The following CHORDC1 variants were observed in gnomAD, a reference collection of about 807,000 sequenced individuals.
CHORDC1 encodes cysteine and histidine-rich domain-containing protein 1.
A neutral mutation model predicts 48.3 loss-of-function variants in CHORDC1; 25 were observed. The observed-to-expected ratio is 0.52, with a 90% CI of 0.38 to 0.72. CHORDC1 has a LOEUF of 0.72. CHORDC1 is among the 30% of genes least tolerant of loss of function. The pLI is 0.00. For missense variants in CHORDC1, 317 were observed against 388.7 expected (o/e 0.82, Z 1.55); for synonymous variants, 128 against 126.4 (o/e 1.01, Z -0.09).
At chr11:90,205,045 T>G (rs908485148) in intron 8 of CHORDC1, among the ~76,000 whole-genome samples, 4 of 151,200 alleles carry the variant, frequency 2.6e-5, no homozygotes, top group African/African-American at 9.7e-5. Flanking sequence ...CTAGATGGAG[T>G]GTTTGTGCAT....
At chr11:90,208,769 G>C (rs1857775623) in intron 6 of CHORDC1, 1 of 152,120 alleles carries the variant, frequency 6.6e-6, no homozygotes. Context: ...AAAATCCCTT[G>C]AGCTACAAAT....
intron 1 of CHORDC1, among the ~76,000 whole-genome samples, chr11:90,219,489 C>A (rs776134912): frequency 6.6e-6 from 1 of 152,216 alleles, no homozygotes; most frequent in African/African-American, 2.4e-5. Flanking sequence ...ATGCTCGTGA[C>A]GGCTTTGATG....
At chr11:90,221,803 G>T (rs1378866579) in intron 1 of CHORDC1, among the ~76,000 whole-genome samples, 1 of 152,032 alleles carries the variant, frequency 6.6e-6, no homozygotes, top group Non-Finnish European at 1.5e-5. Context: ...TTTAAATAAC[G>T]CTATCAATTT....
At chr11:90,222,376 G>A (rs1858193351) in intron 1 of CHORDC1, among the ~76,000 whole-genome samples, 2 of 152,226 alleles carry the variant, frequency 1.3e-5, no homozygotes, top group African/African-American at 4.8e-5. Flanking sequence ...ACTTGTAAGA[G>A]GTTTGTAACA....
chr11:90,202,623 G>C, intron 10 of CHORDC1, 72 bp from the exon 11 acceptor site: 1 of 1,525,554 alleles, frequency 6.6e-7, no homozygotes, highest in Non-Finnish European at 8.9e-7. Flanking sequence ...CATCAGACTT[G>C]CTTATGCCAA....
intron 3 of CHORDC1, among the ~76,000 whole-genome samples, chr11:90,214,585 C>T (rs1857962654): frequency 6.6e-6 from 1 of 152,010 alleles, no homozygotes; most frequent in Non-Finnish European, 1.5e-5. Context: ...TTTAAACCTC[C>T]ATCTCCTCAT....
chr11:90,210,896 T>C lies in CHORDC1; in HGVS notation c.434-302A>G, dbSNP rs560186203. ...TGGTACCAGGTATAAAGTCAGAGAATAGTGAATATATTTTGTATAATGTAC... is the reference window on the plus strand; with the variant it reads ...TGGTACCAGGTATAAAGTCAGAGAACAGTGAATATATTTTGTATAATGTAC... On this transcript the variant is annotated intron_variant, in intron 5 of 10. Coordinates refer to ENST00000320585, the MANE Select transcript of CHORDC1 (RefSeq NM_012124.3). The C allele has an allele frequency of 9.2e-4, 308 of 336,412 alleles. 2 individuals carry two copies. Among genetic ancestry groups the C allele is most frequent in the African/African-American group, 5.9e-3 (276 of 46,696 alleles). 20.8% of individuals were successfully genotyped at this position (336,412 alleles called of 1,614,324 possible).
At chr11:90,213,739 G>C (rs771233864) in intron 4 of CHORDC1, 11 of 450,838 alleles carry the variant, frequency 2.4e-5, no homozygotes, top group Admixed American at 3.9e-5. Flanking sequence ...TGCACTCTAA[G>C]GCACAAGAAA....
rs1857540380 is a variant in CHORDC1 at position 90,201,399 on chromosome 11, T to A, written c.*1006A>T. The A allele has an allele frequency of 6.6e-6, 1 of 151,846 alleles. No individual in the cohort carries two copies. The highest frequency in any genetic ancestry group is 2.4e-5 in the African/African-American group (1 of 41,394). 9.4% of individuals were successfully genotyped at this position (151,846 alleles called of 1,614,324 possible). ...ATAAAGTACAATATATAGTCAACAT[T>A]GTATCACTAGAATTGTGAAGCTCTT... On this transcript the variant is annotated 3_prime_UTR_variant, in exon 11 of 11. Coordinates refer to ENST00000320585, the MANE Select transcript of CHORDC1 (RefSeq NM_012124.3).
At chr11:90,208,973 A>G (rs1470496867) in intron 6 of CHORDC1, 2 of 152,166 alleles carry the variant, frequency 1.3e-5, no homozygotes, top group Non-Finnish European at 2.9e-5. Flanking sequence ...TTGTACCATT[A>G]CATAATTTTC....
Position 90,220,346 on chromosome 11 carries a change from T to C in CHORDC1, c.65-2162A>G, listed in dbSNP as rs1344674070. On this transcript the variant is annotated intron_variant, in intron 1 of 10. Transcript: ENST00000320585. ...GTATCTTCCTGATACAGTAAGTAAA[T>C]CCGTGGGATCAGAAAGATGTTATTA... Among the ~76,000 whole-genome samples the C allele has an allele frequency of 4.6e-5, 7 of 152,060 alleles. No homozygotes were observed. In the East Asian group the frequency reaches 1.3e-3, roughly 29 times the overall value.
chr11:90,208,006 T>C (rs1464899463), intron 6 of CHORDC1: 2 of 151,954 alleles, frequency 1.3e-5, no homozygotes, highest in African/African-American at 2.4e-5. Context: ...AAAATGCTCA[T>C]TGGAGCATTT....
intron 3 of CHORDC1, among the ~76,000 whole-genome samples, 191 bp from the exon 4 acceptor site, chr11:90,214,366 TAA>T (rs1857953190): frequency 6.6e-6 from 1 of 152,274 alleles, no homozygotes; most frequent in African/African-American, 2.4e-5. Flanking sequence ...ACGGCTTTTT[TAA>T]AAAGTCTTTG....
intron 6 of CHORDC1, chr11:90,208,589 CATT>C (rs567232480): frequency 1.3e-5 from 2 of 151,802 alleles, no homozygotes; most frequent in African/African-American, 2.4e-5. Flanking sequence ...ATAAAACAAG[CATT>C]ATTATGCAGA....
At chr11:90,213,195 A>G (rs1459524628) in intron 4 of CHORDC1, 6 of 438,704 alleles carry the variant, frequency 1.4e-5, no homozygotes, top group South Asian at 4.8e-5. Context: ...ATAAACATCT[A>G]AAGTCTCTTA....
At position 90,202,516 on chromosome 11, in the gene CHORDC1, A is replaced by G; in HGVS notation, c.888T>C (p.Thr296=). The change falls in exon 11 of 11, where the codon ACT becomes ACC. Residue 296 remains threonine, a synonymous_variant. Coordinates refer to ENST00000320585, the MANE Select transcript of CHORDC1 (RefSeq NM_012124.3). ...IDVKRSYVTM[T]ATKIEITMRK... The stretch of plus-strand genomic sequence containing the variant: ...TCATAGTGATTTCAATCTTTGTTGC[A>G]GTCATAGTTACATAACTTCGCTTTA... 6.2e-7 allele frequency: 1 copy of G among 1,613,368 alleles called. No individual in the cohort carries two copies. The highest frequency in any genetic ancestry group is 1.1e-5 in the South Asian group (1 of 91,054).
At chr11:90,217,406 A>G (rs777374974) in intron 2 of CHORDC1, among the ~76,000 whole-genome samples, 2 of 152,212 alleles carry the variant, frequency 1.3e-5, no homozygotes, top group Non-Finnish European at 2.9e-5. Flanking sequence ...ATGACCAGCA[A>G]AAACCTAGTC....
chr11:90,203,636 G>C (rs1051634258), intron 8 of CHORDC1, among the ~76,000 whole-genome samples: 1 of 152,014 alleles, frequency 6.6e-6, no homozygotes, highest in Non-Finnish European at 1.5e-5. Context: ...TATGATTTCA[G>C]AACACACTTA....
intron 5 of CHORDC1, chr11:90,210,975 G>T: frequency 3.3e-6 from 1 of 305,994 alleles, no homozygotes; most frequent in Non-Finnish European, 5.9e-6. Context: ...AAAAAATAAT[G>T]AACCATAAAA....
Sources: gnomAD v4.1 joint callset for allele counts (sites outside exome capture counted in the v4.1 genomes callset) on GRCh38, gnomAD v4.1.1 for gene constraint, MANE v1.5 for transcripts, NCBI Gene and HGNC (gene_info 2026-07-23, HGNC 2026-07-21) for gene names.